Variants in TENM3 observed in about 807,000 individuals in gnomAD.
TENM3 encodes the protein teneurin-3.
Under a neutral mutation model 255.1 loss-of-function variants are expected in TENM3, and 63 were observed. That is an observed-to-expected ratio of 0.25 (90% CI 0.20 to 0.30). The LOEUF is 0.30. Among genes scored for constraint, TENM3 ranks in the 10% least tolerant of loss-of-function variants. The pLI, the probability that TENM3 is intolerant of heterozygous loss-of-function variation, is 1.00. For missense variants in TENM3, 2,929 were observed against 3,461.1 expected (o/e 0.85, Z 3.86); for synonymous variants, 1,306 against 1,322.3 (o/e 0.99, Z 0.27).
At chr4:182,268,572 T>G (rs1039024122) in intron 1 of TENM3, among the ~76,000 whole-genome samples, 1 of 152,124 alleles carries the variant, frequency 6.6e-6, no homozygotes, top group Non-Finnish European at 1.5e-5. Flanking sequence ...TAAGGCATTC[T>G]AAGTCACAGA....
chr4:182,290,335 C>G (rs1761034091), intron 1 of TENM3, among the ~76,000 whole-genome samples: 1 of 152,192 alleles, frequency 6.6e-6, no homozygotes, highest in Non-Finnish European at 1.5e-5. Flanking sequence ...GGCCTGGTTT[C>G]TGAATCCTGA....
At chr4:182,160,073 G>A (rs981830137) in intron 1 of TENM3, among the ~76,000 whole-genome samples, 2 of 149,380 alleles carry the variant, frequency 1.3e-5, no homozygotes, top group Non-Finnish European at 3.0e-5. Flanking sequence ...TGCGATCTCG[G>A]CTCACTGCAA....
At chr4:182,398,328 G>A (rs1768993061) in intron 3 of TENM3, among the ~76,000 whole-genome samples, 1 of 152,080 alleles carries the variant, frequency 6.6e-6, no homozygotes, top group South Asian at 2.1e-4. Flanking sequence ...GTAAGGACAA[G>A]GGGACACACA....
the TENM3 span, among the ~76,000 whole-genome samples, chr4:182,118,875 T>G: frequency 2.6e-5 from 4 of 152,208 alleles, no homozygotes; most frequent in African/African-American, 9.7e-5. Context: ...TTGAAGATTT[T>G]TGTCTCTGTG....
chr4:182,124,099 T>A, the TENM3 span, among the ~76,000 whole-genome samples: 1 of 152,242 alleles, frequency 6.6e-6, no homozygotes, highest in Non-Finnish European at 1.5e-5. Context: ...TTATCCAGGC[T>A]GGAGTGCAAT....
chr4:181,632,006 G>T, the TENM3 span, among the ~76,000 whole-genome samples: 2 of 152,158 alleles, frequency 1.3e-5, no homozygotes, highest in African/African-American at 4.8e-5. Flanking sequence ...TAAACCTATT[G>T]CTACTACACA....
At chr4:182,605,181 A>C (rs770950541) in intron 4 of TENM3, among the ~76,000 whole-genome samples, 1 of 152,168 alleles carries the variant, frequency 6.6e-6, no homozygotes, top group Non-Finnish European at 1.5e-5. Context: ...CTTACTGATA[A>C]CTAATAAACT....
At chr4:181,785,835 CACAA>C in the TENM3 span, among the ~76,000 whole-genome samples, 1 of 151,782 alleles carries the variant, frequency 6.6e-6, no homozygotes, top group East Asian at 1.9e-4. Context: ...CACACACACA[CACAA>C]ACACACACAC....
chr4:181,853,155 A>G, the TENM3 span, among the ~76,000 whole-genome samples: 1 of 152,196 alleles, frequency 6.6e-6, no homozygotes, highest in Non-Finnish European at 1.5e-5. Flanking sequence ...TTGTGTACTC[A>G]ATGTCAAGCA....
the TENM3 span, among the ~76,000 whole-genome samples, chr4:181,819,362 T>C: frequency 1.7e-3 from 259 of 152,050 alleles, no homozygotes; most frequent in Non-Finnish European, 2.8e-3. Flanking sequence ...ATAAAAGTAA[T>C]AAAAATAATA....
At chr4:181,470,117 A>AT in the TENM3 span, among the ~76,000 whole-genome samples, 1 of 122,192 alleles carries the variant, frequency 8.2e-6, no homozygotes, top group Non-Finnish European at 1.9e-5. Flanking sequence ...GTAAAAAAAA[A>AT]AAAAAAAACA....
intron 3 of TENM3, among the ~76,000 whole-genome samples, chr4:182,523,223 A>G (rs1738771164): frequency 6.6e-6 from 1 of 151,528 alleles, no homozygotes; most frequent in African/African-American, 2.4e-5. Flanking sequence ...TTTGCTGTTG[A>G]GTAGGCACAT....
At chr4:182,318,731 T>C (rs1205812947) in intron 1 of TENM3, among the ~76,000 whole-genome samples, 2 of 152,148 alleles carry the variant, frequency 1.3e-5, no homozygotes, top group African/African-American at 4.8e-5. Flanking sequence ...CTTGATATTG[T>C]TGTGTGTTTG....
At chr4:182,388,673 TG>T in intron 3 of TENM3, among the ~76,000 whole-genome samples, 1 of 152,224 alleles carries the variant, frequency 6.6e-6, no homozygotes, top group Non-Finnish European at 1.5e-5. Context: ...CTAGAACATT[TG>T]GTAGAAGATT....
At chr4:182,295,051 T>G (rs1016470029) in intron 1 of TENM3, among the ~76,000 whole-genome samples, 1 of 152,102 alleles carries the variant, frequency 6.6e-6, no homozygotes, top group Non-Finnish European at 1.5e-5. Flanking sequence ...ATTGGGATTT[T>G]CTGCTCTATT....
intron 3 of TENM3, among the ~76,000 whole-genome samples, chr4:182,458,550 A>G (rs560299676): frequency 6.6e-6 from 1 of 152,186 alleles, no homozygotes; most frequent in Non-Finnish European, 1.5e-5. Flanking sequence ...CAGATCAATG[A>G]TTTTGAACAG....
At chr4:181,779,644 T>C in the TENM3 span, among the ~76,000 whole-genome samples, 2 of 150,440 alleles carry the variant, frequency 1.3e-5, no homozygotes, top group African/African-American at 5.0e-5. Flanking sequence ...AAATATATTC[T>C]TTTTTTATTA....
chr4:181,737,592 T>G, the TENM3 span, among the ~76,000 whole-genome samples: 1 of 152,100 alleles, frequency 6.6e-6, no homozygotes, highest in South Asian at 2.1e-4. Flanking sequence ...TTTTTCTCCT[T>G]TAAAAATAAC....
chr4:182,780,414 TA>T (rs1343772556), intron 24 of TENM3, among the ~76,000 whole-genome samples: 2 of 110,426 alleles, frequency 1.8e-5, no homozygotes, highest in African/African-American at 3.9e-5. Context: ...CATTGATCTA[TA>T]TCTCTGTTTT....
Sources: allele counts gnomAD v4.1 joint callset (sites outside exome capture counted in the v4.1 genomes callset), GRCh38; gene constraint gnomAD v4.1.1; transcripts MANE v1.5; gene names NCBI Gene and HGNC (gene_info 2026-07-23, HGNC 2026-07-21).